The following EPB41L5 variants were observed in gnomAD, a reference collection of about 807,000 sequenced individuals.
EPB41L5 encodes erythrocyte membrane protein band 4.1 like 5, also known as band 4.1-like protein 5.
Under a neutral mutation model 106.6 loss-of-function variants are expected in EPB41L5, and 55 were observed. The observed-to-expected ratio is 0.52, with a 90% CI of 0.42 to 0.65. The LOEUF is 0.65. EPB41L5 is among the 30% of genes least tolerant of loss of function. EPB41L5 has a pLI of 0.00. For missense variants in EPB41L5, 871 were observed against 882.1 expected, an observed-to-expected ratio of 0.99 and a Z score of 0.16; for synonymous variants, 297 against 306.7, an observed-to-expected ratio of 0.97 and a Z score of 0.33.
intron 16 of EPB41L5, among the ~76,000 whole-genome samples, chr2:120,103,294 C>A (rs1172957261): frequency 6.6e-6 from 1 of 152,086 alleles, no homozygotes; most frequent in Non-Finnish European, 1.5e-5. Flanking sequence ...CAGTTCTGAC[C>A]AAGAACTGCA....
At chr2:120,108,130 G>C (rs1684554530) in intron 16 of EPB41L5, 1 of 152,034 alleles carries the variant, frequency 6.6e-6, no homozygotes, top group Non-Finnish European at 1.5e-5. Context: ...AATTACCTAA[G>C]CTTCTGTGTT....
intron 2 of EPB41L5, among the ~76,000 whole-genome samples, chr2:120,020,124 C>T (rs2166437): frequency 0.69 from 104,482 of 151,972 alleles, 37,477 homozygotes; most frequent in Non-Finnish European, 0.79. Context: ...AAAGACTTAA[C>T]GGTAAATTAC....
Position 120,077,048 on chromosome 2 carries a change from G to T in EPB41L5, c.583G>T (p.Glu195Ter). The change falls in exon 8 of 25, where the codon GAA becomes TAA. Residue 195 changes from glutamate (E) to a stop codon, truncating the protein, a stop_gained. Coordinates refer to ENST00000263713, the MANE Select transcript of EPB41L5 (RefSeq NM_020909.4). LOFTEE classifies it high-confidence loss of function. ...GTTCAGATTCGTGCCTATTCAGACT[G>T]AAGAGATGGAACTGGCTATTTTTGA... is the stretch of plus-strand genomic sequence containing the variant. ...SEFRFVPIQT[E>*]EMELAIFEKW... 2 of 1,613,244 alleles carry T rather than the reference G, an allele frequency of 1.2e-6. No homozygotes were observed. The highest frequency in any genetic ancestry group is 1.7e-6 in the Non-Finnish European group (2 of 1,179,498).
intron 18 of EPB41L5, among the ~76,000 whole-genome samples, chr2:120,139,632 C>T (rs1371678176): frequency 6.6e-6 from 1 of 152,098 alleles, no homozygotes; most frequent in African/African-American, 2.4e-5. Context: ...AGTGAGATAT[C>T]ATCTCACCCC....
chr2:120,151,231 C>T (rs568789734), intron 20 of EPB41L5, among the ~76,000 whole-genome samples: 6 of 151,806 alleles, frequency 4.0e-5, no homozygotes, highest in South Asian at 2.1e-4. Flanking sequence ...ACCTGGGAGG[C>T]GGAGCTTGCA....
At chr2:120,135,852 A>G (rs530843273) in intron 18 of EPB41L5, among the ~76,000 whole-genome samples, 4 of 152,288 alleles carry the variant, frequency 2.6e-5, no homozygotes, top group African/African-American at 9.6e-5. Flanking sequence ...GAGTTCTTCA[A>G]TCTGAAAGGA....
At chr2:120,055,159 G>C (rs1158152073) in intron 3 of EPB41L5, among the ~76,000 whole-genome samples, 1 of 150,668 alleles carries the variant, frequency 6.6e-6, no homozygotes, top group African/African-American at 2.5e-5. Flanking sequence ...CACCATGCCC[G>C]GCCTGTTCCA....
At chr2:120,039,683 G>A (rs775955927) in intron 2 of EPB41L5, among the ~76,000 whole-genome samples, 1 of 152,030 alleles carries the variant, frequency 6.6e-6, no homozygotes, top group Non-Finnish European at 1.5e-5. Flanking sequence ...AAATTAGGTG[G>A]GTGTGGTGGC....
intron 3 of EPB41L5, among the ~76,000 whole-genome samples, chr2:120,050,153 C>T (rs1345251376): frequency 6.6e-6 from 1 of 152,124 alleles, no homozygotes; most frequent in African/African-American, 2.4e-5. Flanking sequence ...TGGAGTTGCT[C>T]TTCTCGAGGA....
chr2:120,138,679 C>T (rs1162396373), intron 18 of EPB41L5, among the ~76,000 whole-genome samples: 3 of 151,642 alleles, frequency 2.0e-5, no homozygotes, highest in Non-Finnish European at 4.4e-5. Flanking sequence ...TATGAGATAT[C>T]GAAGAGGACA....
chr2:120,037,509 C>T (rs1036092023), intron 2 of EPB41L5, among the ~76,000 whole-genome samples: 81 of 152,112 alleles, frequency 5.3e-4, no homozygotes, highest in African/African-American at 1.7e-3. Flanking sequence ...AAAGTTACTA[C>T]GAAACTACAG....
chr2:120,090,638 G>T, intron 12 of EPB41L5, 122 bp downstream of exon 12: 1 of 792,288 alleles, frequency 1.3e-6, no homozygotes, highest in Middle Eastern at 2.9e-4. Flanking sequence ...GTTTGCCAGA[G>T]TCTTCCATTG....
intron 16 of EPB41L5, among the ~76,000 whole-genome samples, chr2:120,112,979 G>A (rs1684788097): frequency 6.6e-6 from 1 of 152,168 alleles, no homozygotes; most frequent in African/African-American, 2.4e-5. Context: ...CTCTGTAAAG[G>A]TTGTTGGGGT....
chr2:120,173,455 G>A (rs1205193389), intron 24 of EPB41L5, among the ~76,000 whole-genome samples: 1 of 152,128 alleles, frequency 6.6e-6, no homozygotes, highest in Non-Finnish European at 1.5e-5. Flanking sequence ...TATCTGGGGT[G>A]GGGTCTAAGA....
chr2:120,047,113 CT>C (rs1679835867), intron 3 of EPB41L5, among the ~76,000 whole-genome samples: 1 of 152,130 alleles, frequency 6.6e-6, no homozygotes, highest in Non-Finnish European at 1.5e-5. Context: ...CAGCTTTGTT[CT>C]TTTTGCTTAG....
rs537489552 is a variant in EPB41L5 at position 120,122,055 on chromosome 2, T to A, written c.1338-5633T>A. On this transcript the variant is annotated intron_variant, in intron 16 of 24. Transcript: ENST00000263713. The stretch of plus-strand genomic sequence containing the variant: ...TTTTCTTGTAAATTTGTTTAAGTTC[T>A]TTGTAGATTCTGGATATTAGCCCTT... Among the ~76,000 whole-genome samples the A allele has an allele frequency of 3.3e-5, 5 of 152,296 alleles. No individual in the cohort carries two copies. In the South Asian group the frequency reaches 1.0e-3, roughly 32 times the overall value.
intron 18 of EPB41L5, among the ~76,000 whole-genome samples, chr2:120,141,971 T>C (rs1686191076): frequency 6.6e-6 from 1 of 152,038 alleles, no homozygotes; most frequent in African/African-American, 2.4e-5. Flanking sequence ...AGACTAAAAA[T>C]TACCCACCTC....
In EPB41L5 at chr2:120,178,597, A is replaced by G. The variant is rs1037921852; in HGVS notation, c.*3690A>G. ...TTTTTATCCTCTCAAAAATTTAAAC[A>G]CTGTACCTCTTCAGTGGTCAGAAGA... On this transcript the variant is annotated 3_prime_UTR_variant, in exon 25 of 25. Coordinates refer to ENST00000263713, the MANE Select transcript of EPB41L5 (RefSeq NM_020909.4). 2.0e-5 allele frequency: 3 copies of G among 152,198 alleles called. No individual in the cohort carries two copies. The highest frequency in any genetic ancestry group is 2.0e-4 in the Admixed American group (3 of 15,282). 9.4% of individuals were successfully genotyped at this position (152,198 alleles called of 1,614,324 possible). A position where few individuals can be genotyped will look rare whatever the true frequency, so the allele number is the denominator to read the frequency against.
At position 120,033,563 on chromosome 2, in the gene EPB41L5, C is replaced by T. The variant is rs377352056; in HGVS notation, c.181-8443C>T. ...TCTCTATTAAAAATACAAAATTAGC[C>T]GGGCGTAGTAGCAGGCACCTGTAAT... On this transcript the variant is annotated intron_variant, in intron 2 of 24. Transcript: ENST00000263713. Among the ~76,000 whole-genome samples the T allele has an allele frequency of 4.6e-5, 7 of 151,836 alleles. 1 individual carries two copies. The highest frequency in any genetic ancestry group is 7.2e-5 in the African/African-American group (3 of 41,396).
Sources: allele counts gnomAD v4.1 joint callset (sites outside exome capture counted in the v4.1 genomes callset), GRCh38; gene constraint gnomAD v4.1.1; transcripts MANE v1.5; gene names NCBI Gene and HGNC (gene_info 2026-07-23, HGNC 2026-07-21).